The following SACS variants were observed in gnomAD, a reference collection of about 807,000 sequenced individuals.
SACS encodes the protein sacsin.
SACS carries 197 observed loss-of-function variants against 348.0 expected under a neutral mutation model. The observed-to-expected ratio is 0.57, with a 90% confidence interval of 0.50 to 0.64. The LOEUF is 0.64. Among genes scored for constraint, SACS ranks in the 30% least tolerant of loss-of-function variants. The probability of loss-of-function intolerance (pLI) is 0.00; values close to 1 mark genes in which losing one functional copy is unlikely to be tolerated. For synonymous variants in SACS, 1,985 were observed against 1,910.6 expected, an observed-to-expected ratio of 1.04 and a Z score of -1.02; for missense variants, 4,999 against 5,360.8, an observed-to-expected ratio of 0.93 and a Z score of 2.11.
intron 1 of SACS, among the ~76,000 whole-genome samples, chr13:23,416,655 G>T (rs562967483): frequency 6.6e-6 from 1 of 151,834 alleles, no homozygotes; most frequent in East Asian, 1.9e-4. Context: ...TACTCGGGAG[G>T]CTGAGGCAAG....
At chr13:23,368,345 T>C in intron 5 of SACS, 57 bp downstream of exon 5, 1 of 1,305,424 alleles carries the variant, frequency 7.7e-7, no homozygotes. Context: ...TCAAGTAAAT[T>C]TACTTCATCT....
chr13:23,361,131 A>G (rs886083075), intron 6 of SACS, among the ~76,000 whole-genome samples: 1 of 152,078 alleles, frequency 6.6e-6, no homozygotes, highest in African/African-American at 2.4e-5. Context: ...ACATGGTGAA[A>G]ATTACCCCTA....
At chr13:23,420,147 G>A (rs944889007) in intron 1 of SACS, among the ~76,000 whole-genome samples, 3 of 151,998 alleles carry the variant, frequency 2.0e-5, no homozygotes, top group African/African-American at 7.2e-5. Context: ...GGGCCTGTGT[G>A]TCAATCTGGT....
intron 1 of SACS, among the ~76,000 whole-genome samples, chr13:23,420,745 C>G (rs924804792): frequency 2.0e-5 from 3 of 151,982 alleles, no homozygotes; most frequent in African/African-American, 7.3e-5. Flanking sequence ...TCACATGGGA[C>G]CTAGATTGAA....
intron 2 of SACS, among the ~76,000 whole-genome samples, chr13:23,390,084 G>A (rs140382970): frequency 2.2e-4 from 34 of 152,094 alleles, no homozygotes; most frequent in African/African-American, 8.2e-4. Context: ...ACAGGGTATA[G>A]AATTTATTAT....
In SACS at chr13:23,385,604, C is replaced by T. The variant is rs531200095; in HGVS notation, c.21-10335G>A. ...AATTCCTGACTTCAGCTGATCCACC[C>T]GCCTCGGCCACCCAAAGTGCTAGGA... On this transcript the variant is annotated intron_variant, in intron 2 of 9. Coordinates refer to ENST00000382292, the MANE Select transcript of SACS (RefSeq NM_014363.6). Among the ~76,000 whole-genome samples, 5 of 152,160 alleles carry T rather than the reference C, an allele frequency of 3.3e-5. No individual in the cohort carries two copies. The South Asian group carries it at 1.0e-3, about 32-fold the overall frequency.
Position 23,363,653 on chromosome 13 carries a change from A to C in SACS, c.457+1513T>G, listed in dbSNP as rs536044023. The stretch of plus-strand genomic sequence containing the variant: ...TGAAGTCAAGGCTAGAAGCAAAAAC[A>C]TCATAGGCTCTCCTTACACTCTTAC... On this transcript the variant is annotated intron_variant, in intron 6 of 9. Transcript: ENST00000382292. Among the ~76,000 whole-genome samples the C allele has an allele frequency of 4.6e-5, 7 of 152,370 alleles. No individual in the cohort carries two copies. In the South Asian group the frequency reaches 1.2e-3, roughly 27 times the overall value.
Position 23,411,231 on chromosome 13 carries a change from G to T in SACS, c.9C>A (p.Thr3=), listed in dbSNP as rs761747245. 6.2e-7 allele frequency: 1 copy of T among 1,606,896 alleles called. No homozygotes were observed. Among genetic ancestry groups the T allele is most frequent in the Admixed American group, 1.7e-5 (1 of 59,978 alleles). ...ATTAACTCATTTACCTGTTCTCCTT[G>T]GTCTCCATGATCACTTCTCCTGGGA... is the stretch of plus-strand genomic sequence containing the variant. ME[T]KENRWVPVTV... Residue 3 remains threonine (T), a synonymous_variant, in exon 2 of 10, where the codon ACC becomes ACA. Coordinates refer to ENST00000382292, the MANE Select transcript of SACS (RefSeq NM_014363.6).
chr13:23,396,512 C>T (rs931812708), intron 2 of SACS, among the ~76,000 whole-genome samples: 10 of 151,770 alleles, frequency 6.6e-5, no homozygotes, highest in Non-Finnish European at 1.0e-4. Context: ...CTTGGATTTA[C>T]GGTCAATTAA....
intron 6 of SACS, among the ~76,000 whole-genome samples, chr13:23,362,581 C>CT (rs34351648): frequency 0.079 from 8,874 of 111,934 alleles, 662 homozygotes; most frequent in Non-Finnish European, 0.11. Flanking sequence ...TAATACATTC[C>CT]TTTTTTTTTT....
chr13:23,384,477 G>A (rs1172669699), intron 2 of SACS, among the ~76,000 whole-genome samples: 1 of 152,202 alleles, frequency 6.6e-6, no homozygotes, highest in Non-Finnish European at 1.5e-5. Context: ...GGGAAGAAAA[G>A]GAAGTCCTTC....
At chr13:23,377,108 A>C (rs927149099) in intron 2 of SACS, among the ~76,000 whole-genome samples, 6 of 152,184 alleles carry the variant, frequency 3.9e-5, no homozygotes, top group Admixed American at 2.6e-4. Flanking sequence ...CCATAGACAG[A>C]AAGTAGATTA....
chr13:23,388,487 G>GTATATATATATATATATA (rs71100176), intron 2 of SACS, among the ~76,000 whole-genome samples: 1 of 140,192 alleles, frequency 7.1e-6, no homozygotes. Context: ...TGGTGTGTGT[G>GTATATATATATATATATA]TATATATATA....
rs61754477 is a variant in SACS at position 23,339,688 on chromosome 13, G to A, written c.4188C>T (p.His1396=). 0.014 allele frequency: 22,075 copies of A among 1,613,980 alleles called. 2,062 individuals are homozygous for A. In the East Asian group the frequency reaches 0.24, roughly 18 times the overall value. Residue 1396 remains histidine, a synonymous_variant, in exon 10 of 10, where the codon CAC becomes CAT. Coordinates refer to ENST00000382292, the MANE Select transcript of SACS (RefSeq NM_014363.6). The part of the protein sequence containing the change: ...NPSKLIMKPI[H]ECCYCDIKVD... ...CTTTAATGTCACAATAACAGCATTC[G>A]TGAATTGGCTTCATGATAAGTTTAG...
At chr13:23,365,329 G>A (rs1330059292) in intron 5 of SACS, 52 bp from the exon 6 acceptor site, 8 of 972,986 alleles carry the variant, frequency 8.2e-6, no homozygotes, top group African/African-American at 1.7e-5. Flanking sequence ...GTAATCTACT[G>A]CTCATCTTTG....
At position 23,419,469 on chromosome 13, in the gene SACS, G is replaced by A. The variant is rs570450004; in HGVS notation, c.-501-7729C>T. Among the ~76,000 whole-genome samples the A allele has an allele frequency of 4.6e-5, 7 of 152,300 alleles. No homozygotes were observed. The South Asian group carries it at 1.5e-3, about 32-fold the overall frequency. ...GCAGTTCAGAGTCTCAACAGGGCTT[G>A]ATGGGGCCTGCCATTTCATTTCGCA... On this transcript the variant is annotated intron_variant, in intron 1 of 9. Transcript: ENST00000382292.
In SACS at chr13:23,331,067, G is replaced by T; in HGVS notation, c.12809C>A (p.Thr4270Asn). ...AGGAGGAATGCTTCTCAGGCCAGGGGTGAGGAACTCAGTGGGGCTGGTTGG... is the reference window on the plus strand; with the variant it reads ...AGGAGGAATGCTTCTCAGGCCAGGGTTGAGGAACTCAGTGGGGCTGGTTGG... ...STPTSPTEFL[T>N]PGLRSIPPLF... is the part of the protein sequence containing the mutation. The change falls in exon 10 of 10, where the codon ACC becomes AAC. Residue 4270 changes from threonine (T) to asparagine (N), a missense_variant. Physicochemically the swap from Thr to Asn is moderately conservative, Grantham distance 65. Coordinates refer to ENST00000382292, the MANE Select transcript of SACS (RefSeq NM_014363.6). The T allele has an allele frequency of 6.2e-7, 1 of 1,614,096 alleles. No homozygotes were observed. The highest frequency in any genetic ancestry group is 1.7e-5 in the Admixed American group (1 of 60,020).
rs1050630305 is a variant in SACS, at chr13:23,338,291, G to C, written c.5585C>G (p.Thr1862Arg). 3.1e-6 allele frequency: 5 copies of C among 1,613,970 alleles called. No homozygotes were observed. The African/African-American group carries it at 6.7e-5, about 22-fold the overall frequency. Residue 1862 changes from threonine (T) to arginine (R), a missense_variant, in exon 10 of 10, where the codon ACA becomes AGA. Physicochemically the swap from Thr to Arg is moderately conservative, Grantham distance 71 (BLOSUM62 -1). Transcript: ENST00000382292. ...CACCTCTCCAATGTGTGGTTTCACT[G>C]TCCACTTCTGGTCCTGGATTTCTGA... ...QLSEIQDQKW[T>R]VKPHIGEVFC...
intron 1 of SACS, among the ~76,000 whole-genome samples, chr13:23,412,978 CTTTT>C (rs970770114): frequency 6.6e-6 from 1 of 151,638 alleles, no homozygotes; most frequent in Admixed American, 6.6e-5. Flanking sequence ...AAATGAGAAA[CTTTT>C]TTTTTGTTTT....
Sources: allele counts gnomAD v4.1 joint callset (sites outside exome capture counted in the v4.1 genomes callset), GRCh38; gene constraint gnomAD v4.1.1; transcripts MANE v1.5; gene names NCBI Gene and HGNC (gene_info 2026-07-23, HGNC 2026-07-21).